The following BABAM1 variants were observed in gnomAD, a reference collection of about 807,000 sequenced individuals.
The protein encoded by BABAM1 is BRISC and BRCA1-A complex member 1.
BABAM1 carries 14 observed loss-of-function variants against 34.4 expected under a neutral mutation model. That is an observed-to-expected ratio of 0.41 (90% CI 0.27 to 0.64). BABAM1 has a LOEUF of 0.64. Among genes scored for constraint, BABAM1 ranks in the 30% least tolerant of loss-of-function variants. BABAM1 has a pLI of 0.34. For missense variants in BABAM1, 393 were observed against 434.0 expected, an observed-to-expected ratio of 0.91 and a Z score of 0.84; for synonymous variants, 169 against 165.8, an observed-to-expected ratio of 1.02 and a Z score of -0.15.
At chr19:17,268,573 G>A (rs1051500070) in intron 1 of BABAM1, 12 of 427,604 alleles carry the variant, frequency 2.8e-5, no homozygotes, top group Admixed American at 2.4e-4. Context: ...GGGATTATCC[G>A]CATGCGCCAC....
Position 17,276,894 on chromosome 19 carries a change from G to T in BABAM1, c.771G>T (p.Glu257Asp). 6.3e-7 allele frequency: 1 copy of T among 1,599,090 alleles called. No individual in the cohort carries two copies. Among genetic ancestry groups the T allele is most frequent in the East Asian group, 2.3e-5 (1 of 44,364 alleles). Reference sequence around the variant, plus strand: ...ACAATGGCACTGAGGAGAAGGAGGAGGAGATGAGTTGGAAGGTGAGAGGCT... The same window carrying T: ...ACAATGGCACTGAGGAGAAGGAGGATGAGATGAGTTGGAAGGTGAGAGGCT... ...YIHNGTEEKEEEMSWKDMFAF... is the reference protein window; with the variant it reads ...YIHNGTEEKEDEMSWKDMFAF... Residue 257 changes from glutamate (E) to aspartate (D), a missense_variant, in exon 8 of 9, where the codon GAG becomes GAT. By Grantham distance (45) the Glu-to-Asp change is conservative. Transcript: ENST00000598188.
At chr19:17,271,023 C>G (rs575117214) in intron 2 of BABAM1, among the ~76,000 whole-genome samples, 2 of 148,332 alleles carry the variant, frequency 1.3e-5, no homozygotes, top group Admixed American at 6.8e-5. Flanking sequence ...GAGTTTCACT[C>G]TGTCACCCAG....
At position 17,276,837 on chromosome 19, in the gene BABAM1, C is replaced by T. The variant is rs1310416271; in HGVS notation, c.714C>T (p.Cys238=). 1 of 1,604,704 alleles carries T rather than the reference C, an allele frequency of 6.2e-7. No individual in the cohort carries two copies. Among genetic ancestry groups the T allele is most frequent in the African/African-American group, 1.3e-5 (1 of 74,892 alleles). ...LTEPMKKMFQ[C]PYFFFDVVYI... ...TTCCCCTGCAGAAAATGTTCCAGTG[C>T]CCATATTTCTTCTTTGACGTTGTTT... Residue 238 remains cysteine, a synonymous_variant, in exon 8 of 9, where the codon TGC becomes TGT. Transcript: ENST00000598188.
At chr19:17,269,229 A>C in intron 2 of BABAM1, 138 bp downstream of exon 2, 1 of 1,143,700 alleles carries the variant, frequency 8.7e-7, no homozygotes, top group South Asian at 1.7e-5. Flanking sequence ...GGTAGCTTTC[A>C]ACAAGAGAAA....
rs1244501382 is a variant in BABAM1, at chr19:17,276,620, T to G, written c.695T>G (p.Met232Arg). 11 of 1,602,858 alleles carry G rather than the reference T, an allele frequency of 6.9e-6. No individual in the cohort carries two copies. Among genetic ancestry groups the G allele is most frequent in the Non-Finnish European group, 9.4e-6 (11 of 1,174,996 alleles). ...CQPQFSLTEP[M>R]KKMFQCPYFF... ...CCCCAGTTCTCCTTGACGGAGCCCATGAAGGTGGGTGAGGCCTGGGAGAGG... is the reference window on the plus strand; with the variant it reads ...CCCCAGTTCTCCTTGACGGAGCCCAGGAAGGTGGGTGAGGCCTGGGAGAGG... Residue 232 changes from methionine (M) to arginine (R), a missense_variant, in exon 7 of 9, where the codon ATG becomes AGG. Met to Arg is a moderately conservative substitution (Grantham distance 91). Transcript: ENST00000598188.
chr19:17,276,942 G>T, intron 8 of BABAM1, 33 bp downstream of exon 8: 2 of 1,551,924 alleles, frequency 1.3e-6, no homozygotes, highest in Non-Finnish European at 1.7e-6. Flanking sequence ...AGTAGCAGGC[G>T]GGTGTGGACA....
Position 17,268,749 on chromosome 19 carries a change from C to T in BABAM1, c.-13-45C>T, listed in dbSNP as rs10424178. 0.19 allele frequency: 291,879 copies of T among 1,507,020 alleles called. 30,499 individuals carry two copies. The highest frequency in any genetic ancestry group is 0.35 in the African/African-American group (25,095 of 71,834). 93.4% of individuals were successfully genotyped at this position (1,507,020 alleles called of 1,614,324 possible). ...CGACCGTAACCAAATGTTTTTAAAACTCCAAGGGGAGGATTCTGGCTTCCC... is the reference window on the plus strand; with the variant it reads ...CGACCGTAACCAAATGTTTTTAAAATTCCAAGGGGAGGATTCTGGCTTCCC... On this transcript the variant is annotated intron_variant, in intron 1 of 8. Coordinates refer to ENST00000598188, the MANE Select transcript of BABAM1 (RefSeq NM_014173.4).
At chr19:17,270,737 G>T (rs956841128) in intron 2 of BABAM1, among the ~76,000 whole-genome samples, 1 of 151,858 alleles carries the variant, frequency 6.6e-6, no homozygotes, top group Non-Finnish European at 1.5e-5. Flanking sequence ...GCCCAGGCTG[G>T]AGTGGAGTGG....
chr19:17,276,802 T>C, intron 7 of BABAM1, 21 bp from the exon 8 acceptor site: 1 of 1,589,734 alleles, frequency 6.3e-7, no homozygotes, highest in Non-Finnish European at 8.6e-7. Flanking sequence ...CAGAGGCTGG[T>C]GTTCTTTACT....
chr19:17,273,561 T>TTG (rs764514400), intron 3 of BABAM1, among the ~76,000 whole-genome samples: 1,955 of 76,268 alleles, frequency 0.026, 71 homozygotes, highest in African/African-American at 0.13. Context: ...TTTTGTTTGT[T>TTG]TTGTTTTTTT....
rs373817424 is a variant in BABAM1 at position 17,277,390 on chromosome 19, C to G, written c.786+481C>G. 1,067 of 158,174 alleles carry G rather than the reference C, an allele frequency of 6.7e-3. 4 individuals carry two copies. The highest frequency in any genetic ancestry group is 0.01 in the Non-Finnish European group (740 of 72,040). The allele number at this position is 158,174 out of a possible 1,614,324, so 9.8% of individuals were successfully genotyped here. On this transcript the variant is annotated intron_variant, in intron 8 of 8. Coordinates refer to ENST00000598188, the MANE Select transcript of BABAM1 (RefSeq NM_014173.4). ...TTAATTTTTGTATTTTTAGTAGAGA[C>G]GGGGTTTCACCATGTTGGCCAGACT...
At position 17,276,832 on chromosome 19, in the gene BABAM1, C is replaced by G; in HGVS notation, c.709C>G (p.Gln237Glu). ...SLTEPMKKMFQCPYFFFDVVY... is the reference protein window; with the variant it reads ...SLTEPMKKMFECPYFFFDVVY... ...TTTACTTCCCCTGCAGAAAATGTTC[C>G]AGTGCCCATATTTCTTCTTTGACGT... Residue 237 changes from glutamine to glutamate, a missense_variant, in exon 8 of 9, where the codon CAG (glutamine) becomes GAG (glutamate). By Grantham distance (29) the Gln-to-Glu change is conservative (BLOSUM62 2). Transcript: ENST00000598188. 2.5e-6 allele frequency: 4 copies of G among 1,604,048 alleles called. No individual in the cohort carries two copies. Among genetic ancestry groups the G allele is most frequent in the Non-Finnish European group, 3.4e-6 (4 of 1,175,254 alleles).
intron 2 of BABAM1, among the ~76,000 whole-genome samples, chr19:17,270,020 T>G (rs1268463792): frequency 6.6e-6 from 1 of 151,714 alleles, no homozygotes; most frequent in Admixed American, 6.6e-5. Context: ...AAGCTCTGCC[T>G]CCCGGGTTCA....
Position 17,269,037 on chromosome 19 carries a change from G to A in BABAM1, c.231G>A (p.Pro77=), listed in dbSNP as rs776286219. The A allele has an allele frequency of 3.5e-4, 566 of 1,599,850 alleles. 1 individual carries two copies. Among genetic ancestry groups the A allele is most frequent in the East Asian group, 8.8e-4 (39 of 44,310 alleles). The change falls in exon 2 of 9, where the codon CCG becomes CCA. Residue 77 remains proline, a synonymous_variant. Transcript: ENST00000598188. ...GCCCTAAGTCCTGGCAGGTGCCCCCGCCAGCCCCTGAGGTCCAAATTCGGA... is the reference window on the plus strand; with the variant it reads ...GCCCTAAGTCCTGGCAGGTGCCCCCACCAGCCCCTGAGGTCCAAATTCGGA... ...GAGPKSWQVP[P]PAPEVQIRTP...
chr19:17,277,894 C>A (rs1033647829), intron 8 of BABAM1, among the ~76,000 whole-genome samples: 1 of 150,040 alleles, frequency 6.7e-6, no homozygotes, highest in African/African-American at 2.5e-5. Flanking sequence ...AATAAAAATA[C>A]GGCCAGGTGT....
chr19:17,274,690 G>C (rs2073888060), intron 5 of BABAM1: 1 of 157,612 alleles, frequency 6.3e-6, no homozygotes, highest in South Asian at 1.8e-4. Context: ...GGCAGTGTGT[G>C]ACAGAAGTGT....
chr19:17,275,691 C>CA, intron 5 of BABAM1, 110 bp from the exon 6 acceptor site: 1 of 1,419,564 alleles, frequency 7.0e-7, no homozygotes, highest in Non-Finnish European at 9.9e-7. Context: ...GCCAGGGTCA[C>CA]ATGGTGCGTC....
chr19:17,279,056 C>T lies in BABAM1; in HGVS notation c.*8C>T, dbSNP rs764502051. Reference sequence around the variant, plus strand: ...GTTGAGGCCACTGTCTGAACCATCCCTGTACATCTGCACCTTCTTGTGCAA... The same window carrying T: ...GTTGAGGCCACTGTCTGAACCATCCTTGTACATCTGCACCTTCTTGTGCAA... On this transcript the variant is annotated 3_prime_UTR_variant, in exon 9 of 9. Coordinates refer to ENST00000598188, the MANE Select transcript of BABAM1 (RefSeq NM_014173.4). 2.3e-5 allele frequency: 37 copies of T among 1,604,940 alleles called. 1 individual carries two copies. The South Asian group carries it at 3.9e-4, about 17-fold the overall frequency.
intron 2 of BABAM1, among the ~76,000 whole-genome samples, chr19:17,270,068 C>A (rs1352768320): frequency 6.6e-6 from 1 of 151,780 alleles, no homozygotes; most frequent in Admixed American, 6.6e-5. Context: ...GTAGCTGGGA[C>A]TACAGGCGCC....
Sources: gnomAD v4.1 joint callset for allele counts (sites outside exome capture counted in the v4.1 genomes callset) on GRCh38, gnomAD v4.1.1 for gene constraint, MANE v1.5 for transcripts, NCBI Gene and HGNC (gene_info 2026-07-23, HGNC 2026-07-21) for gene names.